The following HEATR4 variants were observed in gnomAD, a reference collection of about 807,000 sequenced individuals.
The protein encoded by HEATR4 is HEAT repeat containing 4.
A neutral mutation model predicts 108.8 loss-of-function variants in HEATR4; 95 were observed. The ratio of observed to expected loss-of-function variants is 0.87; its 90% CI spans 0.74 to 1.04. The LOEUF (loss-of-function observed/expected upper bound fraction) is 1.04. Among genes scored for constraint, HEATR4 ranks in the 50% least tolerant of loss-of-function variants. HEATR4 has a pLI of 0.00. For missense variants in HEATR4, 1,152 were observed against 1,253.8 expected (o/e 0.92, Z 1.23); for synonymous variants, 443 against 459.4 (o/e 0.96, Z 0.46).
chr14:73,537,877 A>T, intron 1 of HEATR4: 1 of 1,194,426 alleles, frequency 8.4e-7, no homozygotes, highest in Non-Finnish European at 1.1e-6. Context: ...TCCTGCCGCC[A>T]GGTGACTCAC....
At chr14:73,592,214 A>G in the HEATR4 span, 1 of 1,612,764 alleles carries the variant, frequency 6.2e-7, no homozygotes, top group Non-Finnish European at 8.5e-7. Context: ...GGGCCCTGGA[A>G]CCCGAGAAGC....
chr14:73,619,915 T>TTA, the HEATR4 span: 1 of 1,430,598 alleles, frequency 7.0e-7, no homozygotes, highest in Non-Finnish European at 9.2e-7. Flanking sequence ...TTTCTTTCTT[T>TTA]TCTCTTTTTT....
At chr14:73,555,900 G>A (rs1280676634) in intron 1 of HEATR4, among the ~76,000 whole-genome samples, 1 of 112,676 alleles carries the variant, frequency 8.9e-6, no homozygotes, top group Non-Finnish European at 1.9e-5. Context: ...AGCTACTTGG[G>A]AGGCTGAGGC....
intron 17 of HEATR4, among the ~76,000 whole-genome samples, chr14:73,480,090 T>C (rs1169866093): frequency 6.6e-6 from 1 of 152,266 alleles, no homozygotes; most frequent in East Asian, 1.9e-4. Flanking sequence ...TATATGGCGT[T>C]ATTACTAGTT....
intron 14 of HEATR4, 34 bp downstream of exon 14, chr14:73,498,117 TATAA>T: frequency 6.4e-7 from 1 of 1,561,728 alleles, no homozygotes. Context: ...GAGTTGGCAG[TATAA>T]GGTCATGGTG....
chr14:73,525,134 ATCC>A (rs1353254388), intron 2 of HEATR4, among the ~76,000 whole-genome samples: 1 of 151,942 alleles, frequency 6.6e-6, no homozygotes, highest in Non-Finnish European at 1.5e-5. Flanking sequence ...GGCCCAAGTA[ATCC>A]TCCTACTTCA....
intron 7 of HEATR4, 121 bp downstream of exon 7, chr14:73,511,885 T>A: frequency 8.3e-7 from 1 of 1,203,938 alleles, no homozygotes; most frequent in South Asian, 1.4e-5. Flanking sequence ...GGCCAGTCTC[T>A]AAGTCTTGGT....
chr14:73,504,044 T>C (rs1004016922), intron 10 of HEATR4, among the ~76,000 whole-genome samples: 1 of 152,160 alleles, frequency 6.6e-6, no homozygotes, highest in Non-Finnish European at 1.5e-5. Context: ...CAGATTCTGA[T>C]TGAGCTGGCT....
At chr14:73,573,456 A>G in the HEATR4 span, 6 of 1,613,646 alleles carry the variant, frequency 3.7e-6, no homozygotes, top group South Asian at 6.6e-5. Context: ...GTATCGGGCT[A>G]GTCTGCTGGC....
chr14:73,598,686 G>A, the HEATR4 span, among the ~76,000 whole-genome samples: 1 of 152,050 alleles, frequency 6.6e-6, no homozygotes, highest in Admixed American at 6.6e-5. Context: ...GATCAACATG[G>A]TGAAACCCCA....
intron 2 of HEATR4, among the ~76,000 whole-genome samples, chr14:73,525,990 A>C (rs1342835793): frequency 6.6e-6 from 1 of 151,654 alleles, no homozygotes; most frequent in African/African-American, 2.4e-5. Flanking sequence ...AGAAACAAAA[A>C]ATCAGGTGAG....
chr14:73,592,015 T>C, the HEATR4 span: 9 of 1,435,456 alleles, frequency 6.3e-6, no homozygotes, highest in South Asian at 8.8e-5. Context: ...AACGAGCCGG[T>C]GCGCATTGCC....
the HEATR4 span, among the ~76,000 whole-genome samples, chr14:73,583,615 A>T: frequency 6.6e-6 from 1 of 152,014 alleles, no homozygotes; most frequent in African/African-American, 2.4e-5. Context: ...AGAGTGAGAC[A>T]ATCTCCTGAT....
the HEATR4 span, among the ~76,000 whole-genome samples, chr14:73,597,439 C>G: frequency 6.6e-6 from 1 of 151,550 alleles, no homozygotes. Context: ...GGCTGGGGTG[C>G]AGTGGCACGA....
At chr14:73,574,825 C>T in the HEATR4 span, 1 of 1,602,128 alleles carries the variant, frequency 6.2e-7, no homozygotes, top group South Asian at 1.1e-5. Context: ...TCAGGTTCAA[C>T]TAACTTCCAG....
At chr14:73,560,800 G>C (rs909443459), upstream of HEATR4, among the ~76,000 whole-genome samples, 1 of 152,052 alleles carries the variant, frequency 6.6e-6, no homozygotes, top group Non-Finnish European at 1.5e-5. Flanking sequence ...CTCAGTGACA[G>C]AGGGAGACCC....
At chr14:73,556,757 T>C (rs1263914871) in intron 1 of HEATR4, among the ~76,000 whole-genome samples, 2 of 114,906 alleles carry the variant, frequency 1.7e-5, no homozygotes, top group African/African-American at 2.8e-5. Context: ...TAGAAACGTA[T>C]GAAAGTTCTT....
chr14:73,623,309 G>C, the HEATR4 span, among the ~76,000 whole-genome samples: 1 of 152,146 alleles, frequency 6.6e-6, no homozygotes, highest in Admixed American at 6.6e-5. Context: ...TTCTTCCAAA[G>C]ATAGTCATAC....
chr14:73,511,612 C>A (rs1039846044), intron 7 of HEATR4, among the ~76,000 whole-genome samples: 2 of 150,458 alleles, frequency 1.3e-5, no homozygotes, highest in African/African-American at 4.9e-5. Context: ...CAGTGGCTCA[C>A]GCCTGTAATC....
Sources: allele counts gnomAD v4.1 joint callset (sites outside exome capture counted in the v4.1 genomes callset), GRCh38; gene constraint gnomAD v4.1.1; transcripts MANE v1.5; gene names NCBI Gene and HGNC (gene_info 2026-07-23, HGNC 2026-07-21).